CLPB: variants seen among roughly 807,000 people sequenced by gnomAD.
The protein encoded by CLPB is mitochondrial disaggregase.
In CLPB, 40 loss-of-function variants were observed where a neutral mutation model predicts 78.4. The observed-to-expected ratio is 0.51, with a 90% CI of 0.40 to 0.66. The LOEUF is 0.66. Among genes scored for constraint, CLPB ranks in the 30% least tolerant of loss-of-function variants. The pLI, the probability that CLPB is intolerant of heterozygous loss-of-function variation, is 0.00. For missense variants in CLPB, 780 were observed against 886.9 expected (o/e 0.88, Z 1.53); for synonymous variants, 333 against 348.0 (o/e 0.96, Z 0.48).
chr11:72,350,700 C>T (rs1442948618), intron 5 of CLPB, among the ~76,000 whole-genome samples: 1 of 152,218 alleles, frequency 6.6e-6, no homozygotes, highest in Non-Finnish European at 1.5e-5. Context: ...TCTCCTCTAC[C>T]ACACTAGCTG....
intron 5 of CLPB, among the ~76,000 whole-genome samples, chr11:72,356,433 C>T (rs998758690): frequency 3.3e-5 from 5 of 152,062 alleles, no homozygotes; most frequent in Non-Finnish European, 5.9e-5. Flanking sequence ...TCCTGCCTCT[C>T]GGTTGGCTGG....
At chr11:72,346,386 C>T (rs1455410197) in intron 5 of CLPB, among the ~76,000 whole-genome samples, 3 of 151,084 alleles carry the variant, frequency 2.0e-5, no homozygotes, top group Non-Finnish European at 2.9e-5. Context: ...TGTGTATATA[C>T]CTATATAAAT....
chr11:72,362,978 A>T (rs1257400683), intron 4 of CLPB, among the ~76,000 whole-genome samples: 2 of 152,152 alleles, frequency 1.3e-5, no homozygotes, highest in Non-Finnish European at 2.9e-5. Flanking sequence ...CAACATGGCG[A>T]AACACCAACT....
intron 3 of CLPB, among the ~76,000 whole-genome samples, chr11:72,389,431 G>C (rs1464011013): frequency 6.6e-6 from 1 of 152,198 alleles, no homozygotes; most frequent in African/African-American, 2.4e-5. Context: ...TTGTAGGTGT[G>C]GGTTTCACTA....
chr11:72,394,465 C>A (rs889303968), intron 3 of CLPB, among the ~76,000 whole-genome samples: 1 of 152,142 alleles, frequency 6.6e-6, no homozygotes, highest in Non-Finnish European at 1.5e-5. Context: ...CCAACTGCCA[C>A]TCTCCATGAA....
rs1364014007 is a variant in CLPB at position 72,294,403 on chromosome 11, C to T, written c.1602G>A (p.Glu534=). ...GGCAGAAGGGGAGGAAGTAGACGAT[C>T]TCATTGATCCGTCCCAGAAACTCAT... The part of the protein sequence containing the change: ...RRDEFLGRIN[E]IVYFLPFCHS... Residue 534 remains glutamate (E), a synonymous_variant, in exon 14 of 16, where the codon GAG becomes GAA. Transcript: ENST00000538039. The T allele has an allele frequency of 6.2e-7, 1 of 1,614,210 alleles. No homozygotes were observed.
intron 3 of CLPB, among the ~76,000 whole-genome samples, chr11:72,383,021 T>A (rs560715492): frequency 1.3e-4 from 20 of 151,856 alleles, no homozygotes; most frequent in African/African-American, 3.9e-4. Context: ...ATTATTTTTT[T>A]AAAAAACATC....
chr11:72,306,648 C>T (rs767815454), intron 9 of CLPB, among the ~76,000 whole-genome samples: 9 of 152,064 alleles, frequency 5.9e-5, no homozygotes, highest in Non-Finnish European at 1.3e-4. Context: ...TATAAGTATC[C>T]CAGGCTCAAG....
chr11:72,307,290 C>A lies in CLPB; in HGVS notation c.1067-36G>T, dbSNP rs765932869. On this transcript the variant is annotated intron_variant, in intron 8 of 15. Coordinates refer to ENST00000538039, the MANE Select transcript of CLPB (RefSeq NM_001258392.3). ...AGAAGGGGGAGGTGTTGGGTTAGAACCAGGTGACTAACCGCTGGAATGAAA... is the reference window on the plus strand; with the variant it reads ...AGAAGGGGGAGGTGTTGGGTTAGAAACAGGTGACTAACCGCTGGAATGAAA... 19 of 1,561,878 alleles carry A rather than the reference C, an allele frequency of 1.2e-5. No homozygotes were observed. In the South Asian group the frequency reaches 2.0e-4, roughly 16 times the overall value.
chr11:72,422,093 C>T (rs553500113), intron 2 of CLPB, among the ~76,000 whole-genome samples: 2 of 150,944 alleles, frequency 1.3e-5, no homozygotes, highest in Admixed American at 6.6e-5. Context: ...TGGTGAAACC[C>T]CACCTCTACT....
chr11:72,377,971 T>C (rs960548385), intron 4 of CLPB, among the ~76,000 whole-genome samples: 1 of 152,254 alleles, frequency 6.6e-6, no homozygotes, highest in Non-Finnish European at 1.5e-5. Flanking sequence ...GTTTACTATC[T>C]GGCTCTTTCT....
rs745775353 is a variant in CLPB, at chr11:72,293,627, G to A, written c.1786-12C>T. ...ACACGGCGTTCTACCTGTCGGTGGG[G>A]AGGTGAAGTGGTCACTCCCTCGGCC... On this transcript the variant is annotated splice_polypyrimidine_tract_variant and intron_variant, in intron 15 of 15. Coordinates refer to ENST00000538039, the MANE Select transcript of CLPB (RefSeq NM_001258392.3). The A allele has an allele frequency of 6.2e-7, 1 of 1,605,534 alleles. No individual in the cohort carries two copies. Among genetic ancestry groups the A allele is most frequent in the Admixed American group, 1.7e-5 (1 of 59,764 alleles).
In CLPB at chr11:72,409,583, C is replaced by T. The variant is rs527906575; in HGVS notation, c.456-6531G>A. Among the ~76,000 whole-genome samples the T allele has an allele frequency of 2.6e-5, 4 of 151,056 alleles. No individual in the cohort carries two copies. The East Asian group carries it at 7.8e-4, about 29-fold the overall frequency. On this transcript the variant is annotated intron_variant, in intron 2 of 15. Transcript: ENST00000538039. ...TGGGCAACAGAGAGAGGCTCCATGT[C>T]AAAAACAAAAAAAAAGTCCAGAGTT...
At chr11:72,408,346 C>T (rs1855771056) in intron 2 of CLPB, 8 of 672,048 alleles carry the variant, frequency 1.2e-5, no homozygotes, top group African/African-American at 1.8e-5. Flanking sequence ...AACAGAATTT[C>T]GTAAGGAGTG....
chr11:72,386,964 G>T (rs1040778368), intron 3 of CLPB, among the ~76,000 whole-genome samples: 1 of 152,114 alleles, frequency 6.6e-6, no homozygotes, highest in African/African-American at 2.4e-5. Flanking sequence ...GTACAAAAAG[G>T]CAGATACAGA....
chr11:72,420,943 A>G (rs7125560), intron 2 of CLPB, among the ~76,000 whole-genome samples: 136,199 of 152,214 alleles, frequency 0.89, 61,184 homozygotes, highest in African/African-American at 0.97. Flanking sequence ...GCGGATCACC[A>G]GAGGTCGGGA....
chr11:72,380,485 T>C (rs1854877223), intron 3 of CLPB, 101 bp from the exon 4 acceptor site: 1 of 848,476 alleles, frequency 1.2e-6, no homozygotes, highest in East Asian at 2.6e-5. Context: ...CTGTCTCTGC[T>C]CATGTGAGTG....
intron 4 of CLPB, chr11:72,359,344 T>A: frequency 2.6e-6 from 1 of 389,554 alleles, no homozygotes; most frequent in Non-Finnish European, 5.0e-6. Context: ...GTTAGAGGTA[T>A]AATAGGAGAA....
At chr11:72,395,788 T>C (rs1855388870) in intron 3 of CLPB, among the ~76,000 whole-genome samples, 1 of 152,194 alleles carries the variant, frequency 6.6e-6, no homozygotes, top group African/African-American at 2.4e-5. Context: ...CCTAAGGACC[T>C]ACTTTCAAGC....
Sources: gnomAD v4.1 joint callset for allele counts (sites outside exome capture counted in the v4.1 genomes callset) on GRCh38, gnomAD v4.1.1 for gene constraint, MANE v1.5 for transcripts, NCBI Gene and HGNC (gene_info 2026-07-23, HGNC 2026-07-21) for gene names.